Variants in CAMK4 observed in about 807,000 individuals in gnomAD.
The protein encoded by CAMK4 is calcium/calmodulin-dependent protein kinase type IV.
CAMK4 carries 22 observed loss-of-function variants against 44.9 expected under a neutral mutation model. The ratio of observed to expected loss-of-function variants is 0.49; its 90% confidence interval spans 0.35 to 0.70. The LOEUF (loss-of-function observed/expected upper bound fraction) is 0.70, where lower values mean the gene tolerates loss of function less well. CAMK4 is among the 30% of genes least tolerant of loss of function. The probability of loss-of-function intolerance (pLI) is 0.01; values close to 1 mark genes in which losing one functional copy is unlikely to be tolerated. For synonymous variants in CAMK4, 218 were observed against 215.4 expected, an observed-to-expected ratio of 1.01 and a Z score of -0.11; for missense variants, 498 against 586.8, an observed-to-expected ratio of 0.85 and a Z score of 1.56.
intron 1 of CAMK4, 88 bp from the exon 2 acceptor site, chr5:111,343,936 T>C: frequency 1.4e-6 from 1 of 735,840 alleles, no homozygotes; most frequent in Admixed American, 2.2e-5. Context: ...GTTATGTGGG[T>C]TATTGCAAGA....
At position 111,449,181 on chromosome 5, in the gene CAMK4, ATG is replaced by A. The variant is rs1367742558; in HGVS notation, c.606_607del (p.Cys202TrpfsTer9). 5 of 1,567,006 alleles carry A rather than the reference ATG, an allele frequency of 3.2e-6. No individual in the cohort carries two copies. Among genetic ancestry groups the A allele is most frequent in the Non-Finnish European group, 4.4e-6 (5 of 1,139,872 alleles). ...AACATCAAGTGCTCATGAAGACAGT[ATG>A]TGGAACCCCAGGGTACTGCGGTATG... ...VEHQVLMKTV[C>X]GTPGYCAPEI... On this transcript the variant is annotated frameshift_variant, in exon 7 of 11. Coordinates refer to ENST00000282356, the MANE Select transcript of CAMK4 (RefSeq NM_001744.6). LOFTEE classifies it high-confidence loss of function.
At chr5:111,255,362 T>C (rs970733481) in intron 1 of CAMK4, among the ~76,000 whole-genome samples, 1 of 152,232 alleles carries the variant, frequency 6.6e-6, no homozygotes, top group Admixed American at 6.5e-5. Context: ...ACAGAAAGTG[T>C]TTTCAGTGAT....
intron 5 of CAMK4, among the ~76,000 whole-genome samples, chr5:111,428,921 G>A (rs1032846065): frequency 6.6e-6 from 1 of 151,990 alleles, no homozygotes; most frequent in Non-Finnish European, 1.5e-5. Context: ...AACTCCGAAA[G>A]GTCAAGAAAT....
At chr5:111,413,125 T>G (rs1752688234) in intron 5 of CAMK4, among the ~76,000 whole-genome samples, 1 of 152,188 alleles carries the variant, frequency 6.6e-6, no homozygotes, top group Non-Finnish European at 1.5e-5. Flanking sequence ...TTTGGGGGCT[T>G]GCCTGTCCTA....
rs75373836 is a variant in CAMK4 at position 111,299,819 on chromosome 5, CTG to C, written c.162-44201_162-44200del. On this transcript the variant is annotated intron_variant, in intron 1 of 10. Coordinates refer to ENST00000282356, the MANE Select transcript of CAMK4 (RefSeq NM_001744.6). ...TCTGCAAGTTGATTTCCTCCCATTT[CTG>C]TGTTTTTTTTAAAGGTTTCTATAAC... 4.3e-3 allele frequency among the ~76,000 whole-genome samples: 655 copies of C among 152,176 alleles called. 24 individuals carry two copies. In the East Asian group the frequency reaches 0.095, roughly 22 times the overall value.
rs1755835412 is a variant in CAMK4, at chr5:111,491,564, T to G, written c.*7098T>G. ...TGGAGATAGATACAACTTAGTGAAATTTTCCTACAGAACTAAAAACGCAAA... is the reference window on the plus strand; with the variant it reads ...TGGAGATAGATACAACTTAGTGAAAGTTTCCTACAGAACTAAAAACGCAAA... On this transcript the variant is annotated 3_prime_UTR_variant, in exon 11 of 11. Coordinates refer to ENST00000282356, the MANE Select transcript of CAMK4 (RefSeq NM_001744.6). 1 of 152,120 alleles carries G rather than the reference T, an allele frequency of 6.6e-6. No individual in the cohort carries two copies. The highest frequency in any genetic ancestry group is 2.4e-5 in the African/African-American group (1 of 41,434). The allele number at this position is 152,120 out of a possible 1,614,324, so 9.4% of individuals were successfully genotyped here.
chr5:111,373,853 A>G (rs930001567), intron 2 of CAMK4, among the ~76,000 whole-genome samples: 1 of 152,162 alleles, frequency 6.6e-6, no homozygotes. Context: ...TGTTTTGATA[A>G]ATTTTGTTGG....
intron 6 of CAMK4, 143 bp downstream of exon 6, chr5:111,446,919 T>C (rs757968537): frequency 4.1e-5 from 28 of 678,152 alleles, no homozygotes; most frequent in Non-Finnish European, 7.0e-5. Flanking sequence ...GGAAATAATA[T>C]GTTGTTTTGG....
intron 6 of CAMK4, among the ~76,000 whole-genome samples, chr5:111,448,884 A>C (rs909475226): frequency 2.0e-5 from 3 of 152,204 alleles, no homozygotes; most frequent in Non-Finnish European, 2.9e-5. Context: ...CAGAAGAACA[A>C]AGATTAAATA....
chr5:111,401,353 G>C (rs1282471011), intron 5 of CAMK4, among the ~76,000 whole-genome samples: 1 of 152,138 alleles, frequency 6.6e-6, no homozygotes. Context: ...AGGCCAGGCT[G>C]TCAGTACTGC....
chr5:111,299,559 T>C (rs1747634371), intron 1 of CAMK4, among the ~76,000 whole-genome samples: 1 of 152,218 alleles, frequency 6.6e-6, no homozygotes, highest in Admixed American at 6.5e-5. Context: ...TGTTTAAATG[T>C]TTAAATGAAA....
At chr5:111,389,046 C>G (rs1751706959) in intron 4 of CAMK4, among the ~76,000 whole-genome samples, 1 of 152,098 alleles carries the variant, frequency 6.6e-6, no homozygotes, top group Non-Finnish European at 1.5e-5. Flanking sequence ...ATTTCTTATA[C>G]TGAGTGGCTT....
At chr5:111,241,288 A>G (rs1207211137) in intron 1 of CAMK4, among the ~76,000 whole-genome samples, 1 of 151,986 alleles carries the variant, frequency 6.6e-6, no homozygotes, top group East Asian at 1.9e-4. Context: ...CCTGTTTTTC[A>G]TTACCTTGAA....
At chr5:111,388,471 T>G (rs892869907) in intron 4 of CAMK4, among the ~76,000 whole-genome samples, 1 of 152,104 alleles carries the variant, frequency 6.6e-6, no homozygotes, top group Non-Finnish European at 1.5e-5. Context: ...TCCATACCTA[T>G]CCCGACCCCC....
chr5:111,314,168 G>A (rs1372065090), intron 1 of CAMK4, among the ~76,000 whole-genome samples: 4 of 152,084 alleles, frequency 2.6e-5, no homozygotes, highest in Admixed American at 2.0e-4. Flanking sequence ...CTGGTACCTA[G>A]AGTGGAGTTT....
At chr5:111,291,661 C>A (rs1747264418) in intron 1 of CAMK4, among the ~76,000 whole-genome samples, 1 of 152,124 alleles carries the variant, frequency 6.6e-6, no homozygotes, top group Non-Finnish European at 1.5e-5. Flanking sequence ...CAGGCAAGGA[C>A]CACCATACCC....
In CAMK4 at chr5:111,230,189, G is replaced by C. The variant is rs150716968; in HGVS notation, c.161+5545G>C. On this transcript the variant is annotated intron_variant, in intron 1 of 10. Coordinates refer to ENST00000282356, the MANE Select transcript of CAMK4 (RefSeq NM_001744.6). ...ATAACCCTAATCTCAATCAGCATTGGTTTTCTTTCTTCAGTGTGAGTATTG... is the reference window on the plus strand; with the variant it reads ...ATAACCCTAATCTCAATCAGCATTGCTTTTCTTTCTTCAGTGTGAGTATTG... Among the ~76,000 whole-genome samples the C allele has an allele frequency of 2.7e-3, 418 of 152,182 alleles. 2 individuals carry two copies. Among genetic ancestry groups the C allele is most frequent in the Non-Finnish European group, 4.9e-3 (333 of 68,006 alleles).
At chr5:111,288,815 G>A (rs1751333103) in intron 1 of CAMK4, among the ~76,000 whole-genome samples, 1 of 152,200 alleles carries the variant, frequency 6.6e-6, no homozygotes, top group Non-Finnish European at 1.5e-5. Context: ...TGATCAAGCT[G>A]CTAGTAGTTG....
chr5:111,422,442 G>A (rs979602761), intron 5 of CAMK4, among the ~76,000 whole-genome samples: 4 of 152,192 alleles, frequency 2.6e-5, no homozygotes, highest in Non-Finnish European at 5.9e-5. Context: ...TGAAACCCCA[G>A]GCTGTTAAAA....
Sources: gnomAD v4.1 joint callset for allele counts (sites outside exome capture counted in the v4.1 genomes callset) on GRCh38, gnomAD v4.1.1 for gene constraint, MANE v1.5 for transcripts, NCBI Gene and HGNC (gene_info 2026-07-23, HGNC 2026-07-21) for gene names.